The following SLC24A3 variants were observed in gnomAD, a reference collection of about 807,000 sequenced individuals.
SLC24A3 encodes solute carrier family 24 member 3.
Under a neutral mutation model 75.8 loss-of-function variants are expected in SLC24A3, and 28 were observed. The observed-to-expected ratio is 0.37, with a 90% CI of 0.27 to 0.51. The LOEUF (loss-of-function observed/expected upper bound fraction) is 0.51. Ranked by LOEUF, SLC24A3 falls within the 20% of genes least tolerant of loss-of-function variation. SLC24A3 has a pLI of 0.94. For synonymous variants in SLC24A3, 372 were observed against 334.1 expected, an observed-to-expected ratio of 1.11 and a Z score of -1.24; for missense variants, 663 against 847.8, an observed-to-expected ratio of 0.78 and a Z score of 2.71.
At position 19,457,665 on chromosome 20, in the gene SLC24A3, G is replaced by A. The variant is rs566305796; in HGVS notation, c.272-57823G>A. On this transcript the variant is annotated intron_variant, in intron 2 of 16. Coordinates refer to ENST00000328041, the MANE Select transcript of SLC24A3 (RefSeq NM_020689.4). ...TGTCTTATGAAGCCAAGCAAATCCT[G>A]TACATCCTGACAGCCACAAATCACT... Among the ~76,000 whole-genome samples the A allele has an allele frequency of 2.0e-5, 3 of 152,242 alleles. No individual in the cohort carries two copies. The East Asian group carries it at 5.8e-4, about 29-fold the overall frequency.
At chr20:19,457,601 A>C (rs1169033063) in intron 2 of SLC24A3, among the ~76,000 whole-genome samples, 1 of 152,218 alleles carries the variant, frequency 6.6e-6, no homozygotes, top group East Asian at 1.9e-4. Flanking sequence ...CAGTAGTGGA[A>C]GCTTTCTAAT....
At chr20:19,610,903 C>T (rs2031662735) in intron 6 of SLC24A3, among the ~76,000 whole-genome samples, 1 of 152,170 alleles carries the variant, frequency 6.6e-6, no homozygotes, top group Admixed American at 6.5e-5. Flanking sequence ...GACAGAGTTG[C>T]GGGCACTGGA....
intron 2 of SLC24A3, among the ~76,000 whole-genome samples, chr20:19,344,939 G>T (rs762383560): frequency 1.3e-5 from 2 of 152,146 alleles, no homozygotes; most frequent in Admixed American, 6.5e-5. Flanking sequence ...AAAAATGTCC[G>T]TTCTCATCAT....
rs34696614 is a variant in SLC24A3 at position 19,698,680 on chromosome 20, C to T, written c.1719C>T (p.Tyr573=). 6.7e-4 allele frequency: 1,056 copies of T among 1,570,916 alleles called. 10 individuals carry two copies. The South Asian group carries it at 8.1e-3, about 12-fold the overall frequency. Residue 573 remains tyrosine (Y), a splice_region_variant and synonymous_variant, in exon 15 of 17, where the codon TAC becomes TAT. Transcript: ENST00000328041. ...LQTLAVDYGS[Y]IRLNSRGLIY... is the part of the protein sequence containing the mutation. ...CCCTGGCTGTGGATTACGGATCCTA[C>T]GTAAGTGGTTTTCTCCAGGACTTCT...
chr20:19,582,919 G>A (rs1464979282), intron 4 of SLC24A3, among the ~76,000 whole-genome samples: 2 of 152,134 alleles, frequency 1.3e-5, no homozygotes, highest in Non-Finnish European at 2.9e-5. Flanking sequence ...AGGGTGGGAG[G>A]CTTTGGGACC....
chr20:19,280,196 C>G (rs1336790156), intron 1 of SLC24A3, among the ~76,000 whole-genome samples: 10 of 152,192 alleles, frequency 6.6e-5, no homozygotes, highest in Admixed American at 6.5e-4. Context: ...GTTCTTTCTT[C>G]TGGCACCTCC....
In SLC24A3 at chr20:19,681,998, A is replaced by C; in HGVS notation, c.901+7A>C. 1 of 1,613,560 alleles carries C rather than the reference A, an allele frequency of 6.2e-7. No individual in the cohort carries two copies. The highest frequency in any genetic ancestry group is 8.5e-7 in the Non-Finnish European group (1 of 1,179,870). On this transcript the variant is annotated splice_region_variant and intron_variant, in intron 10 of 16. Coordinates refer to ENST00000328041, the MANE Select transcript of SLC24A3 (RefSeq NM_020689.4). ...GTGGTGCTACTTAAGAAAGGTAACC[A>C]AGGAGAGCACTTTGGGGTCCAAGGC...
rs969278753 is a variant in SLC24A3 at position 19,693,557 on chromosome 20, C to T, written c.1491+132C>T. On this transcript the variant is annotated intron_variant, in intron 13 of 16. Coordinates refer to ENST00000328041, the MANE Select transcript of SLC24A3 (RefSeq NM_020689.4). ...CAATAAGCTGCACAACGAACCACTC[C>T]TAAACTTAGTAGTTTAGAATTGCAG... The T allele has an allele frequency of 1.1e-5, 13 of 1,171,178 alleles. No individual in the cohort carries two copies. In the African/African-American group the frequency reaches 1.4e-4, roughly 13 times the overall value. 72.5% of individuals were successfully genotyped at this position (1,171,178 alleles called of 1,614,324 possible). A position where few individuals can be genotyped will look rare whatever the true frequency, so the allele number is the denominator to read the frequency against.
chr20:19,242,921 G>T (rs1738092307), intron 1 of SLC24A3, among the ~76,000 whole-genome samples: 1 of 152,176 alleles, frequency 6.6e-6, no homozygotes, highest in Non-Finnish European at 1.5e-5. Context: ...CTGGAAAGGT[G>T]TGCTGTAAAC....
At chr20:19,282,317 C>CA (rs1232290152) in intron 2 of SLC24A3, among the ~76,000 whole-genome samples, 18 of 152,118 alleles carry the variant, frequency 1.2e-4, no homozygotes, top group South Asian at 2.1e-4. Flanking sequence ...CAAAAACAAA[C>CA]AAAAAAAATA....
At chr20:19,351,948 G>A (rs1985576283) in intron 2 of SLC24A3, among the ~76,000 whole-genome samples, 1 of 152,084 alleles carries the variant, frequency 6.6e-6, no homozygotes, top group Non-Finnish European at 1.5e-5. Flanking sequence ...TGTCATAGGT[G>A]GGGCTCCTAC....
intron 6 of SLC24A3, among the ~76,000 whole-genome samples, chr20:19,608,487 G>A (rs577073757): frequency 6.6e-6 from 1 of 152,246 alleles, no homozygotes; most frequent in South Asian, 2.1e-4. Flanking sequence ...CCATTTGCTG[G>A]TGTCTTCTCA....
At chr20:19,222,614 A>G (rs189514045) in intron 1 of SLC24A3, among the ~76,000 whole-genome samples, 1 of 152,304 alleles carries the variant, frequency 6.6e-6, no homozygotes, top group African/African-American at 2.4e-5. Context: ...TTCAACAGAA[A>G]CACTCCCCTA....
chr20:19,418,876 C>G (rs1986868516), intron 2 of SLC24A3, among the ~76,000 whole-genome samples: 1 of 152,054 alleles, frequency 6.6e-6, no homozygotes, highest in Admixed American at 6.6e-5. Flanking sequence ...TGGAGAGATT[C>G]CCACTGGCCA....
chr20:19,273,421 C>G (rs1307475592), intron 1 of SLC24A3, among the ~76,000 whole-genome samples: 1 of 152,190 alleles, frequency 6.6e-6, no homozygotes, highest in Non-Finnish European at 1.5e-5. Flanking sequence ...TTAGCCACCC[C>G]TCTCCCTTTC....
chr20:19,285,496 A>AAAT lies in SLC24A3; in HGVS notation c.271+4411_271+4412insTAA, dbSNP rs1229458494. Among the ~76,000 whole-genome samples, 35 of 150,058 alleles carry AAAT rather than the reference A, an allele frequency of 2.3e-4. 1 individual carries two copies. The highest frequency in any genetic ancestry group is 7.8e-4 in the African/African-American group (32 of 40,920). Reference sequence around the variant, plus strand: ...CTGTCTCAAAAAAAAAAAAAAAAAAAAAAAAAGGCATTTTTCCTTTGCCCC... The same window carrying AAAT: ...CTGTCTCAAAAAAAAAAAAAAAAAAAAATAAAAAAGGCATTTTTCCTTTGCCCC... On this transcript the variant is annotated intron_variant, in intron 2 of 16. Transcript: ENST00000328041.
chr20:19,417,336 A>G lies in SLC24A3; in HGVS notation c.272-98152A>G, dbSNP rs556885932. ...TATGTGTTTATCTTTGTTCTCTCCAAAAATCCACGGAAATGATAATAACAT... is the reference window on the plus strand; with the variant it reads ...TATGTGTTTATCTTTGTTCTCTCCAGAAATCCACGGAAATGATAATAACAT... On this transcript the variant is annotated intron_variant, in intron 2 of 16. Coordinates refer to ENST00000328041, the MANE Select transcript of SLC24A3 (RefSeq NM_020689.4). Among the ~76,000 whole-genome samples, 11 of 152,362 alleles carry G rather than the reference A, an allele frequency of 7.2e-5. No homozygotes were observed. In the South Asian group the frequency reaches 2.3e-3, roughly 32 times the overall value.
chr20:19,654,289 C>T (rs954375511), intron 7 of SLC24A3, among the ~76,000 whole-genome samples, 153 bp downstream of exon 7: 3 of 152,080 alleles, frequency 2.0e-5, no homozygotes, highest in Non-Finnish European at 4.4e-5. Flanking sequence ...CTTTCAGCTA[C>T]TTTGATCACC....
intron 1 of SLC24A3, among the ~76,000 whole-genome samples, chr20:19,264,888 G>A (rs548366790): frequency 6.6e-6 from 1 of 152,256 alleles, no homozygotes; most frequent in African/African-American, 2.4e-5. Context: ...AGCTTCCAGA[G>A]GGATCCTGGT....
Sources: gnomAD v4.1 joint callset for allele counts (sites outside exome capture counted in the v4.1 genomes callset) on GRCh38, gnomAD v4.1.1 for gene constraint, MANE v1.5 for transcripts, NCBI Gene and HGNC (gene_info 2026-07-23, HGNC 2026-07-21) for gene names.